The following SLC6A3 variants were observed in gnomAD, a reference collection of about 807,000 sequenced individuals.
SLC6A3 encodes solute carrier family 6 member 3.
In SLC6A3, 19 loss-of-function variants were observed where a neutral mutation model predicts 70.4. The ratio of observed to expected loss-of-function variants is 0.27; its 90% CI spans 0.19 to 0.40. SLC6A3 has a LOEUF of 0.40. Among genes scored for constraint, SLC6A3 ranks in the 10% least tolerant of loss-of-function variants. The pLI is 1.00. For missense variants in SLC6A3, 613 were observed against 838.5 expected (o/e 0.73, Z 3.32); for synonymous variants, 368 against 356.6 (o/e 1.03, Z -0.36).
At position 1,405,155 on chromosome 5, in the gene SLC6A3, T is replaced by C. The variant is rs1354013787; in HGVS notation, c.1599+1033A>G. Among the ~76,000 whole-genome samples the C allele has an allele frequency of 6.6e-6, 1 of 152,192 alleles. No individual in the cohort carries two copies. The highest frequency in any genetic ancestry group is 1.5e-5 in the Non-Finnish European group (1 of 68,032). ...GCGCAGTTAACTGGACTTGGAACAC[T>C]TACGTGCAGCCACACCACGCGGCCT... On this transcript the variant is annotated intron_variant, in intron 12 of 14. Transcript: ENST00000270349. The surrounding 1 kb of genome is among the most constrained non-coding windows in gnomAD (Gnocchi z 5.3).
Position 1,394,440 on chromosome 5 carries a change from C to T in SLC6A3, c.*295G>A. On this transcript the variant is annotated 3_prime_UTR_variant, in exon 15 of 15. Coordinates refer to ENST00000270349, the MANE Select transcript of SLC6A3 (RefSeq NM_001044.5). This position sits in a 1 kb window ranked among gnomAD's most constrained non-coding sequence, Gnocchi z 4.7. ...GGGAGCAGGGAGGGAGGGAGCCTCA[C>T]ACAGACAGCATGAAGTTAGACGTTT... 1.8e-6 allele frequency: 1 copy of T among 555,304 alleles called. No individual in the cohort carries two copies. The highest frequency in any genetic ancestry group is 3.0e-5 in the Admixed American group (1 of 33,478). 34.4% of individuals were successfully genotyped at this position (555,304 alleles called of 1,614,324 possible). A position where few individuals can be genotyped will look rare whatever the true frequency, so the allele number is the denominator to read the frequency against.
Position 1,394,803 on chromosome 5 carries a change from C to T in SLC6A3, c.1840-45G>A. On this transcript the variant is annotated intron_variant, in intron 14 of 14. Transcript: ENST00000270349. The surrounding 1 kb of genome is among the most constrained non-coding windows in gnomAD (Gnocchi z 4.7). ...AGTCAGAAACCCTGGGGCGATGCCC[C>T]ATTTAAGAGCAGCTGAAGGTGGCTA... 1 of 1,611,422 alleles carries T rather than the reference C, an allele frequency of 6.2e-7. No homozygotes were observed. The highest frequency in any genetic ancestry group is 8.5e-7 in the Non-Finnish European group (1 of 1,177,654).
intron 3 of SLC6A3, among the ~76,000 whole-genome samples, chr5:1,439,785 C>G (rs996874427): frequency 6.6e-6 from 1 of 152,256 alleles, no homozygotes; most frequent in East Asian, 1.9e-4. Context: ...CCTCCCTGAA[C>G]CACCAGCCCC....
Position 1,405,622 on chromosome 5 carries a change from G to A in SLC6A3, c.1599+566C>T, listed in dbSNP as rs28363117. On this transcript the variant is annotated intron_variant, in intron 12 of 14. Coordinates refer to ENST00000270349, the MANE Select transcript of SLC6A3 (RefSeq NM_001044.5). This position sits in a 1 kb window ranked among gnomAD's most constrained non-coding sequence, Gnocchi z 5.3. ...CAGGCAATCCCTAATGAAAGTGTGC[G>A]GCCACCTTCCAACAAAACTCTATTT... Among the ~76,000 whole-genome samples, 3,921 of 152,300 alleles carry A rather than the reference G, an allele frequency of 0.026. 157 individuals are homozygous for A. The highest frequency in any genetic ancestry group is 0.088 in the African/African-American group (3,674 of 41,550).
At chr5:1,435,563 C>T (rs1361731804) in intron 3 of SLC6A3, among the ~76,000 whole-genome samples, 1 of 152,244 alleles carries the variant, frequency 6.6e-6, no homozygotes, top group Non-Finnish European at 1.5e-5. Context: ...TGCATGACAT[C>T]ACCACTGGCC....
At chr5:1,429,816 GCA>G (rs1160981513) in intron 4 of SLC6A3, among the ~76,000 whole-genome samples, 1 of 152,202 alleles carries the variant, frequency 6.6e-6, no homozygotes, top group Admixed American at 6.5e-5. Flanking sequence ...TGAGAGCTGG[GCA>G]CACAGCAAGA....
intron 14 of SLC6A3, among the ~76,000 whole-genome samples, chr5:1,398,212 T>C (rs575574940): frequency 4.6e-5 from 7 of 151,964 alleles, no homozygotes; most frequent in Admixed American, 4.6e-4. Context: ...AACACAAAAA[T>C]TATCCAGGTG....
Position 1,392,821 on chromosome 5 carries a change from T to A in SLC6A3, c.*1914A>T, listed in dbSNP as rs1267152060. 6.6e-6 allele frequency: 1 copy of A among 152,224 alleles called. No homozygotes were observed. The highest frequency in any genetic ancestry group is 1.5e-5 in the Non-Finnish European group (1 of 68,070). The allele number at this position is 152,224 out of a possible 1,614,324, so 9.4% of individuals were successfully genotyped here. On this transcript the variant is annotated 3_prime_UTR_variant, in exon 15 of 15. Transcript: ENST00000270349. ...TTTCCATTGTGGATGTCTTTTATTG[T>A]GCTTAGGGACCCACACGATGCTGAA... is the stretch of plus-strand genomic sequence containing the variant.
rs1201207279 is a variant in SLC6A3 at position 1,420,596 on chromosome 5, A to G, written c.900T>C (p.Val300=). Residue 300 remains valine, a synonymous_variant, in exon 6 of 15, where the codon GTT becomes GTC. Transcript: ENST00000270349. ...AIDGIRAYLS[V]DFYRLCEASV... ...ACGCCTCGCAGAGCCGGTAGAAGTC[A>G]ACGCTCAGGTATGCTCTGATGCCGT... 13 of 1,613,438 alleles carry G rather than the reference A, an allele frequency of 8.1e-6. No individual in the cohort carries two copies. The highest frequency in any genetic ancestry group is 1.1e-5 in the Non-Finnish European group (13 of 1,180,054).
At position 1,442,876 on chromosome 5, in the gene SLC6A3, G is replaced by A. The variant is rs371046138; in HGVS notation, c.286+36C>T. On this transcript the variant is annotated intron_variant, in intron 2 of 14. Coordinates refer to ENST00000270349, the MANE Select transcript of SLC6A3 (RefSeq NM_001044.5). The surrounding 1 kb of genome is among the most constrained non-coding windows in gnomAD (Gnocchi z 5.0). Reference sequence around the variant, plus strand: ...CCGGCTGCCCCTACGACCCCCGCCCGGCCAGCATGCTCAGGGAGGCTGAGA... The same window carrying A: ...CCGGCTGCCCCTACGACCCCCGCCCAGCCAGCATGCTCAGGGAGGCTGAGA... 6.0e-5 allele frequency: 96 copies of A among 1,612,744 alleles called. 1 individual carries two copies. The highest frequency in any genetic ancestry group is 3.6e-4 in the African/African-American group (27 of 74,880).
rs1033455498 is a variant in SLC6A3, at chr5:1,406,374, C to T, written c.1499-86G>A. The T allele has an allele frequency of 4.6e-5, 54 of 1,166,656 alleles. No homozygotes were observed. Among genetic ancestry groups the T allele is most frequent in the Middle Eastern group, 1.9e-4 (1 of 5,240 alleles). The allele number at this position is 1,166,656 out of a possible 1,614,324, so 72.3% of individuals were successfully genotyped here. A position where few individuals can be genotyped will look rare whatever the true frequency, so the allele number is the denominator to read the frequency against. ...ACGTGTGGGGGTCCTCGCTGACTCC[C>T]AAGGGCCCCACCTACCGGCCCCAGG... On this transcript the variant is annotated intron_variant, in intron 11 of 14. Coordinates refer to ENST00000270349, the MANE Select transcript of SLC6A3 (RefSeq NM_001044.5). This position sits in a 1 kb window ranked among gnomAD's most constrained non-coding sequence, Gnocchi z 8.8.
chr5:1,427,441 CAG>C (rs1033877213), intron 4 of SLC6A3, among the ~76,000 whole-genome samples: 1 of 152,036 alleles, frequency 6.6e-6, no homozygotes, highest in African/African-American at 2.4e-5. Flanking sequence ...TAATTCAAAA[CAG>C]GGAATAAATA....
intron 6 of SLC6A3, among the ~76,000 whole-genome samples, chr5:1,420,286 G>A (rs182014711): frequency 6.6e-6 from 1 of 152,240 alleles, no homozygotes; most frequent in East Asian, 1.9e-4. Flanking sequence ...CCATGGCCCA[G>A]CTGAGTCTCC....
intron 4 of SLC6A3, among the ~76,000 whole-genome samples, chr5:1,429,444 C>T (rs997470719): frequency 6.6e-6 from 1 of 152,188 alleles, no homozygotes; most frequent in African/African-American, 2.4e-5. Context: ...CTTTCTGTTT[C>T]CTTCCTTCCT....
At position 1,442,659 on chromosome 5, in the gene SLC6A3, A is replaced by AC. The variant is rs1733706415; in HGVS notation, c.286+252dup. On this transcript the variant is annotated intron_variant, in intron 2 of 14. Coordinates refer to ENST00000270349, the MANE Select transcript of SLC6A3 (RefSeq NM_001044.5). The surrounding 1 kb of genome is among the most constrained non-coding windows in gnomAD (Gnocchi z 5.0). ...CAAGCTGCCCCGTCTGCCGCCCCCC[A>AC]CCCCCCAGCTTCTTCGCGGGCCTCC... is the stretch of plus-strand genomic sequence containing the variant. Among the ~76,000 whole-genome samples, 1 of 141,522 alleles carries AC rather than the reference A, an allele frequency of 7.1e-6. No individual in the cohort carries two copies. The highest frequency in any genetic ancestry group is 2.7e-5 in the African/African-American group (1 of 37,710). 92.8% of individuals were successfully genotyped at this position (141,522 alleles called of 152,430 possible). A position where few individuals can be genotyped will look rare whatever the true frequency, so the allele number is the denominator to read the frequency against.
intron 14 of SLC6A3, among the ~76,000 whole-genome samples, chr5:1,399,777 G>A (rs1026811948): frequency 6.6e-6 from 1 of 152,224 alleles, no homozygotes; most frequent in African/African-American, 2.4e-5. Flanking sequence ...CTGACTTGCA[G>A]GTAGGAGGAA....
intron 1 of SLC6A3, among the ~76,000 whole-genome samples, chr5:1,444,174 A>G (rs577905168): frequency 2.0e-5 from 3 of 152,326 alleles, no homozygotes; most frequent in African/African-American, 7.2e-5. Flanking sequence ...GAGGATGGAC[A>G]GGGCTTCATC....
chr5:1,409,211 G>C, intron 10 of SLC6A3, 86 bp from the exon 11 acceptor site: 1 of 992,296 alleles, frequency 1.0e-6, no homozygotes, highest in Non-Finnish European at 1.6e-6. Context: ...CACACAAATT[G>C]TTTCACTCAC....
intron 4 of SLC6A3, among the ~76,000 whole-genome samples, chr5:1,425,674 T>C (rs896444013): frequency 6.6e-5 from 10 of 152,180 alleles, no homozygotes; most frequent in Admixed American, 6.5e-5. Flanking sequence ...TTCATCAAAA[T>C]TTAAAACTTT....
Sources: allele counts gnomAD v4.1 joint callset (sites outside exome capture counted in the v4.1 genomes callset), GRCh38; gene constraint gnomAD v4.1.1; non-coding constraint Gnocchi (gnomAD v3.1); transcripts MANE v1.5; gene names NCBI Gene and HGNC (gene_info 2026-07-23, HGNC 2026-07-21).